Variants in TASP1 observed in about 807,000 individuals in gnomAD.
TASP1 encodes the protein threonine aspartase 1.
Under a neutral mutation model 56.6 loss-of-function variants are expected in TASP1, and 16 were observed. That is an observed-to-expected ratio of 0.28 (90% CI 0.19 to 0.43). The LOEUF is 0.43. Ranked by LOEUF, TASP1 falls within the 20% of genes least tolerant of loss-of-function variation. The pLI is 1.00. For synonymous variants in TASP1, 179 were observed against 184.2 expected, an observed-to-expected ratio of 0.97 and a Z score of 0.23; for missense variants, 393 against 511.6, an observed-to-expected ratio of 0.77 and a Z score of 2.24.
chr20:13,335,180 T>C, the TASP1 span, among the ~76,000 whole-genome samples: 8 of 152,136 alleles, frequency 5.3e-5, no homozygotes, highest in African/African-American at 1.7e-4. Flanking sequence ...TGGAAGAAAG[T>C]TGAAGGTTTA....
chr20:13,118,295 A>G, the TASP1 span, among the ~76,000 whole-genome samples: 3 of 152,112 alleles, frequency 2.0e-5, no homozygotes, highest in African/African-American at 7.2e-5. Flanking sequence ...TGCAAAAAAA[A>G]TTCTTTCCAT....
chr20:13,182,950 T>A, the TASP1 span, among the ~76,000 whole-genome samples: 2 of 152,168 alleles, frequency 1.3e-5, no homozygotes, highest in Admixed American at 6.5e-5. Flanking sequence ...TAGCTAAAAA[T>A]CTCCACGATC....
At chr20:13,539,967 G>A (rs1601173860) in intron 8 of TASP1, among the ~76,000 whole-genome samples, 2 of 91,764 alleles carry the variant, frequency 2.2e-5, no homozygotes, top group Admixed American at 1.0e-4. Context: ...GAGATCACAC[G>A]AATACTCATG....
At chr20:13,116,746 A>G in the TASP1 span, among the ~76,000 whole-genome samples, 97,473 of 152,114 alleles carry the variant, frequency 0.64, 31,392 homozygotes, top group Admixed American at 0.73. Context: ...GGCCCTCTAT[A>G]TGTGGTCCGC....
intron 4 of TASP1, among the ~76,000 whole-genome samples, chr20:13,611,453 A>G (rs1444569696): frequency 1.3e-5 from 2 of 152,188 alleles, no homozygotes; most frequent in Admixed American, 1.3e-4. Flanking sequence ...TTTTTTTGAA[A>G]AGTCTAGTTT....
At chr20:13,156,822 G>A in the TASP1 span, among the ~76,000 whole-genome samples, 71 of 152,252 alleles carry the variant, frequency 4.7e-4, no homozygotes, top group African/African-American at 1.4e-3. Flanking sequence ...TCAACTGAGC[G>A]CAAGGTTGAA....
At chr20:13,368,163 A>G in the TASP1 span, 34 of 152,200 alleles carry the variant, frequency 2.2e-4, 2 homozygotes, top group Admixed American at 2.0e-3. Context: ...ATGGTTTGAG[A>G]CCACAGGATT....
At chr20:13,237,575 C>T in the TASP1 span, among the ~76,000 whole-genome samples, 6 of 152,144 alleles carry the variant, frequency 3.9e-5, no homozygotes, top group South Asian at 1.2e-3. Context: ...AAAGGGAGTC[C>T]AAGGAGGGCA....
chr20:13,578,456 T>C (rs950570578), intron 6 of TASP1, among the ~76,000 whole-genome samples: 3 of 152,182 alleles, frequency 2.0e-5, no homozygotes, highest in Admixed American at 1.3e-4. Context: ...ATTCTGATCG[T>C]AGTATCTTCA....
chr20:13,532,842 T>C (rs1291755496), intron 9 of TASP1, among the ~76,000 whole-genome samples: 1 of 152,176 alleles, frequency 6.6e-6, no homozygotes, highest in Admixed American at 6.6e-5. Flanking sequence ...TATGCCAAGC[T>C]TGACTTTCCT....
chr20:13,362,839 T>TATATATATATATATATATATATA, the TASP1 span, among the ~76,000 whole-genome samples: 2 of 64,660 alleles, frequency 3.1e-5, no homozygotes, highest in African/African-American at 5.1e-5. Flanking sequence ...ATATATATAT[T>TATATATATATATATATATATATA]TGTCTCTCCC....
the TASP1 span, chr20:13,164,772 G>A: frequency 1.9e-6 from 3 of 1,613,634 alleles, no homozygotes; most frequent in Non-Finnish European, 2.5e-6. Context: ...AGCTCTTGAT[G>A]AAATGGGTGA....
intron 2 of TASP1, among the ~76,000 whole-genome samples, chr20:13,627,403 G>C (rs2048930479): frequency 6.6e-6 from 1 of 152,134 alleles, no homozygotes; most frequent in Non-Finnish European, 1.5e-5. Context: ...TCTTCTTGCT[G>C]ACCCCCAGCA....
chr20:13,287,670 A>T, the TASP1 span, among the ~76,000 whole-genome samples: 19 of 152,314 alleles, frequency 1.2e-4, no homozygotes, highest in East Asian at 3.7e-3. Flanking sequence ...TGAAAGTTGT[A>T]CTTAATAGTG....
chr20:13,311,539 G>A, the TASP1 span, among the ~76,000 whole-genome samples: 1 of 152,152 alleles, frequency 6.6e-6, no homozygotes, highest in African/African-American at 2.4e-5. Context: ...CAACATAAGT[G>A]TTCATATACA....
At chr20:13,180,615 T>A in the TASP1 span, among the ~76,000 whole-genome samples, 1 of 152,162 alleles carries the variant, frequency 6.6e-6, no homozygotes, top group South Asian at 2.1e-4. Context: ...GCATAGCTCT[T>A]CAATGTTAAA....
At chr20:13,170,663 T>C in the TASP1 span, among the ~76,000 whole-genome samples, 1 of 152,200 alleles carries the variant, frequency 6.6e-6, no homozygotes, top group African/African-American at 2.4e-5. Context: ...AAAGTATTGA[T>C]TGAAGGGGCT....
the TASP1 span, among the ~76,000 whole-genome samples, chr20:13,189,240 T>G: frequency 6.6e-6 from 1 of 152,134 alleles, no homozygotes; most frequent in African/African-American, 2.4e-5. Context: ...TGAACATTGA[T>G]CTAGGCAAAG....
the TASP1 span, among the ~76,000 whole-genome samples, chr20:13,253,391 C>T: frequency 6.6e-6 from 1 of 152,180 alleles, no homozygotes; most frequent in Non-Finnish European, 1.5e-5. Flanking sequence ...GGCCTTGGAG[C>T]TCATTCGCTG....
Sources: gnomAD v4.1 joint callset for allele counts (sites outside exome capture counted in the v4.1 genomes callset) on GRCh38, gnomAD v4.1.1 for gene constraint, MANE v1.5 for transcripts, NCBI Gene and HGNC (gene_info 2026-07-23, HGNC 2026-07-21) for gene names.